The following SLC35F4 variants were observed in gnomAD, a reference collection of about 807,000 sequenced individuals.
SLC35F4 encodes chromosome 14 open reading frame 36.
SLC35F4 carries 24 observed loss-of-function variants against 44.2 expected under a neutral mutation model. The ratio of observed to expected loss-of-function variants is 0.54; its 90% CI spans 0.39 to 0.76. SLC35F4 has a LOEUF of 0.76. SLC35F4 is among the 30% of genes least tolerant of loss of function. The pLI is 0.00. For synonymous variants in SLC35F4, 238 were observed against 223.6 expected (o/e 1.06, Z -0.57); for missense variants, 562 against 586.1 (o/e 0.96, Z 0.42).
chr14:57,653,679 T>G (rs187083965), intron 1 of SLC35F4, among the ~76,000 whole-genome samples: 2 of 152,278 alleles, frequency 1.3e-5, no homozygotes, highest in Admixed American at 1.3e-4. Flanking sequence ...TGATCTGAAG[T>G]AAGATATGCC....
intron 1 of SLC35F4, among the ~76,000 whole-genome samples, chr14:57,857,469 C>T (rs532630231): frequency 6.6e-6 from 1 of 152,082 alleles, no homozygotes; most frequent in South Asian, 2.1e-4. Flanking sequence ...TCTCTAATCA[C>T]TACTACCATC....
At chr14:57,943,034 A>G (rs964172179) in intron 1 of SLC35F4, among the ~76,000 whole-genome samples, 12 of 152,176 alleles carry the variant, frequency 7.9e-5, no homozygotes, top group Non-Finnish European at 1.3e-4. Flanking sequence ...TCTTACACCA[A>G]TGCTTCCAAT....
At chr14:57,881,796 G>A (rs76497508) in intron 1 of SLC35F4, among the ~76,000 whole-genome samples, 12,505 of 152,076 alleles carry the variant, frequency 0.082, 728 homozygotes, top group African/African-American at 0.17. Context: ...TTTTTTTAAA[G>A]TCTATTTAAC....
chr14:57,967,920 T>A (rs1880931339), intron 1 of SLC35F4, among the ~76,000 whole-genome samples: 1 of 152,208 alleles, frequency 6.6e-6, no homozygotes, highest in Non-Finnish European at 1.5e-5. Flanking sequence ...ATTTTGGTGA[T>A]CATAAAAGTC....
At chr14:57,881,764 C>T (rs776997764) in intron 1 of SLC35F4, among the ~76,000 whole-genome samples, 8 of 151,916 alleles carry the variant, frequency 5.3e-5, no homozygotes, top group African/African-American at 1.2e-4. Flanking sequence ...CCTTCTTGAA[C>T]CCCTACTATG....
At chr14:57,565,885 T>C (rs2068182003) in intron 7 of SLC35F4, among the ~76,000 whole-genome samples, 1 of 152,222 alleles carries the variant, frequency 6.6e-6, no homozygotes, top group Admixed American at 6.5e-5. Flanking sequence ...ATTATAAAAT[T>C]TTAAAGTTAA....
At chr14:57,971,700 T>C (rs1881058271) in intron 1 of SLC35F4, among the ~76,000 whole-genome samples, 1 of 152,130 alleles carries the variant, frequency 6.6e-6, no homozygotes, top group Non-Finnish European at 1.5e-5. Context: ...ATTGAACTCA[T>C]AGAAGCAGGA....
intron 1 of SLC35F4, among the ~76,000 whole-genome samples, chr14:57,892,380 C>T (rs1157642035): frequency 2.6e-5 from 4 of 152,158 alleles, no homozygotes; most frequent in African/African-American, 9.7e-5. Context: ...ACATTGTCTC[C>T]CAAAAGACTC....
At chr14:57,796,660 A>C (rs2078060528) in intron 1 of SLC35F4, among the ~76,000 whole-genome samples, 1 of 152,176 alleles carries the variant, frequency 6.6e-6, no homozygotes, top group Non-Finnish European at 1.5e-5. Context: ...CATTTATTTA[A>C]ATTCTCATGT....
intron 1 of SLC35F4, among the ~76,000 whole-genome samples, chr14:57,843,990 A>C (rs1342732270): frequency 1.3e-5 from 2 of 152,298 alleles, no homozygotes; most frequent in East Asian, 3.9e-4. Context: ...CACAGCAAAT[A>C]TCAGCCTCGT....
chr14:57,883,885 T>C (rs1228378371), intron 1 of SLC35F4, among the ~76,000 whole-genome samples: 1 of 152,216 alleles, frequency 6.6e-6, no homozygotes, highest in Non-Finnish European at 1.5e-5. Flanking sequence ...TTTTAACAAA[T>C]ATTTCTTTCT....
At chr14:57,795,324 A>C (rs1595082714) in intron 1 of SLC35F4, among the ~76,000 whole-genome samples, 1 of 152,326 alleles carries the variant, frequency 6.6e-6, no homozygotes, top group Admixed American at 6.5e-5. Context: ...TCAGCCTTCA[A>C]GTTTCTCCCT....
At chr14:57,591,881 C>A (rs115178546) in intron 2 of SLC35F4, among the ~76,000 whole-genome samples, 2 of 152,238 alleles carry the variant, frequency 1.3e-5, no homozygotes, top group Non-Finnish European at 2.9e-5. Context: ...CAATATCTGC[C>A]TTTACTGTCA....
intron 1 of SLC35F4, among the ~76,000 whole-genome samples, chr14:57,907,621 T>C (rs1489683249): frequency 6.6e-6 from 1 of 152,154 alleles, no homozygotes; most frequent in Admixed American, 6.5e-5. Flanking sequence ...GGTTAATTAA[T>C]AAAAGAACTG....
chr14:57,756,681 G>C (rs1165695577), intron 1 of SLC35F4, among the ~76,000 whole-genome samples: 1 of 151,896 alleles, frequency 6.6e-6, no homozygotes, highest in African/African-American at 2.4e-5. Flanking sequence ...TTGAGACAGG[G>C]TCCCACTCTG....
chr14:57,967,515 G>T (rs12232191), intron 1 of SLC35F4, among the ~76,000 whole-genome samples: 40,244 of 151,964 alleles, frequency 0.26, 5,838 homozygotes, highest in African/African-American at 0.4. Context: ...TTCTCCATTA[G>T]GCCTCAGAGA....
intron 1 of SLC35F4, among the ~76,000 whole-genome samples, chr14:57,698,497 G>A (rs982505818): frequency 4.6e-5 from 7 of 152,104 alleles, no homozygotes; most frequent in Non-Finnish European, 1.0e-4. Context: ...TATCATTTTA[G>A]AAAGCATTTT....
At position 57,691,687 on chromosome 14, in the gene SLC35F4, A is replaced by G. The variant is rs571376103; in HGVS notation, c.104-97563T>C. On this transcript the variant is annotated intron_variant, in intron 1 of 7. Coordinates refer to ENST00000556826, the MANE Select transcript of SLC35F4 (RefSeq NM_001306087.2). ...TATGTTTTTCAACTAATATTTATTT[A>G]GTGACTGCCATTTAAAGATATTCAG... Among the ~76,000 whole-genome samples, 4 of 152,358 alleles carry G rather than the reference A, an allele frequency of 2.6e-5. No homozygotes were observed. In the South Asian group the frequency reaches 8.3e-4, roughly 32 times the overall value.
chr14:57,620,812 G>GT (rs914312857), intron 1 of SLC35F4, among the ~76,000 whole-genome samples: 2 of 151,788 alleles, frequency 1.3e-5, no homozygotes, highest in South Asian at 2.1e-4. Context: ...GGAAGTTCTG[G>GT]CAGGGCAATT....
Sources: gnomAD v4.1 joint callset for allele counts (sites outside exome capture counted in the v4.1 genomes callset) on GRCh38, gnomAD v4.1.1 for gene constraint, MANE v1.5 for transcripts, NCBI Gene and HGNC (gene_info 2026-07-23, HGNC 2026-07-21) for gene names.